The following TACC2 variants were observed in gnomAD, a reference collection of about 807,000 sequenced individuals.
TACC2 encodes transforming acidic coiled-coil-containing protein 2.
TACC2 carries 137 observed loss-of-function variants against 227.3 expected under a neutral mutation model. The ratio of observed to expected loss-of-function variants is 0.60; its 90% CI spans 0.52 to 0.69. The LOEUF (loss-of-function observed/expected upper bound fraction) is 0.69, where lower values mean the gene tolerates loss of function less well. TACC2 is among the 30% of genes least tolerant of loss of function. The pLI is 0.00. For synonymous variants in TACC2, 1,523 were observed against 1,487.5 expected, an observed-to-expected ratio of 1.02 and a Z score of -0.55; for missense variants, 3,470 against 3,694.4, an observed-to-expected ratio of 0.94 and a Z score of 1.57.
chr10:122,127,632 C>T (rs953800278), intron 5 of TACC2, among the ~76,000 whole-genome samples: 5 of 152,074 alleles, frequency 3.3e-5, no homozygotes, highest in Non-Finnish European at 7.4e-5. Context: ...ATTTCAGTCA[C>T]TCTAGTCCCA....
At chr10:122,011,458 T>C (rs1955915780) in intron 1 of TACC2, among the ~76,000 whole-genome samples, 1 of 152,046 alleles carries the variant, frequency 6.6e-6, no homozygotes, top group African/African-American at 2.4e-5. Context: ...GCCTCCCGAG[T>C]AGCTGGGACT....
Position 122,087,851 on chromosome 10 carries a change from C to T in TACC2, c.5351C>T (p.Pro1784Leu). The change falls in exon 4 of 23, where the codon CCC becomes CTC. Residue 1784 changes from proline to leucine, a missense_variant. Pro to Leu is a moderately conservative substitution (Grantham distance 98). Transcript: ENST00000369005. ...QAKEQPGPER[P>L]IPAGDGKVCV... The stretch of plus-strand genomic sequence containing the variant: ...AAGGAGCAGCCAGGGCCTGAGCGCC[C>T]CATTCCAGCTGGGGATGGGAAGGTG... 6.6e-7 allele frequency: 1 copy of T among 1,526,110 alleles called. No individual in the cohort carries two copies. Among genetic ancestry groups the T allele is most frequent in the Non-Finnish European group, 8.8e-7 (1 of 1,137,606 alleles). 94.5% of individuals were successfully genotyped at this position (1,526,110 alleles called of 1,614,324 possible). A position where few individuals can be genotyped will look rare whatever the true frequency, so the allele number is the denominator to read the frequency against.
At chr10:122,053,761 A>G (rs990091585) in intron 3 of TACC2, among the ~76,000 whole-genome samples, 2 of 152,188 alleles carry the variant, frequency 1.3e-5, no homozygotes, top group African/African-American at 2.4e-5. Context: ...CTCCACTCTC[A>G]GGCGCATTGG....
intron 5 of TACC2, chr10:122,127,148 C>A: frequency 6.1e-6 from 1 of 164,182 alleles, no homozygotes; most frequent in Non-Finnish European, 1.3e-5. Context: ...GAACTGTGAG[C>A]AATACATCTC....
At chr10:122,151,006 C>G (rs2091983827) in intron 7 of TACC2, among the ~76,000 whole-genome samples, 2 of 152,122 alleles carry the variant, frequency 1.3e-5, no homozygotes, top group African/African-American at 4.8e-5. Context: ...GTTTACCCAT[C>G]TTTAAGATAG....
At chr10:122,002,853 C>A (rs1954578370) in intron 1 of TACC2, among the ~76,000 whole-genome samples, 1 of 152,082 alleles carries the variant, frequency 6.6e-6, no homozygotes, top group East Asian at 1.9e-4. Flanking sequence ...TGCTTTCTCC[C>A]TTTTTCTTTC....
intron 1 of TACC2, among the ~76,000 whole-genome samples, chr10:122,020,980 C>T (rs1410787509): frequency 6.6e-6 from 1 of 152,006 alleles, no homozygotes; most frequent in African/African-American, 2.4e-5. Context: ...GCCTGTAATC[C>T]CAGCACTTTG....
At chr10:122,115,650 C>T (rs2084560231) in intron 5 of TACC2, among the ~76,000 whole-genome samples, 1 of 152,188 alleles carries the variant, frequency 6.6e-6, no homozygotes, top group African/African-American at 2.4e-5. Context: ...GAAAGGGTCT[C>T]TGGGCTTGCC....
At chr10:122,127,742 C>T (rs1400652720) in intron 5 of TACC2, among the ~76,000 whole-genome samples, 1 of 152,170 alleles carries the variant, frequency 6.6e-6, no homozygotes, top group African/African-American at 2.4e-5. Context: ...CAGAAATTAG[C>T]TCTCTCCCAT....
Position 122,210,504 on chromosome 10 carries a change from G to C in TACC2, c.6079G>C (p.Asp2027His). The change falls in exon 9 of 23, where the codon GAC becomes CAC. Residue 2027 changes from aspartate (D) to histidine (H), a missense_variant. Physicochemically the swap from Asp to His is moderately conservative, Grantham distance 81. Coordinates refer to ENST00000369005, the MANE Select transcript of TACC2 (RefSeq NM_206862.4). This position sits in a 1 kb window ranked among gnomAD's most constrained non-coding sequence, Gnocchi z 4.6. ...SHSFSAVFDEDKPIASSGTYN... is the reference protein window; with the variant it reads ...SHSFSAVFDEHKPIASSGTYN... ...CTCCTTCTCTGCCGTCTTCGATGAA[G>C]ACAAGCCGATAGCCAGCAGTGGGAC... is the stretch of plus-strand genomic sequence containing the variant. 1 of 1,594,102 alleles carries C rather than the reference G, an allele frequency of 6.3e-7. No homozygotes were observed. Among genetic ancestry groups the C allele is most frequent in the Non-Finnish European group, 8.5e-7 (1 of 1,174,306 alleles).
chr10:122,109,298 A>G (rs2083314936), intron 5 of TACC2, among the ~76,000 whole-genome samples: 2 of 152,082 alleles, frequency 1.3e-5, no homozygotes, highest in African/African-American at 4.8e-5. Context: ...ACAAGCATCT[A>G]TTATTTTTTA....
At chr10:122,088,835 G>A (rs1050226010) in intron 5 of TACC2, 1 of 1,300,116 alleles carries the variant, frequency 7.7e-7, no homozygotes, top group African/African-American at 1.5e-5. Context: ...AATTTAAAAA[G>A]TCAGTCTGGG....
At chr10:122,130,089 C>T (rs1345490108) in intron 5 of TACC2, among the ~76,000 whole-genome samples, 2 of 152,180 alleles carry the variant, frequency 1.3e-5, no homozygotes, top group Non-Finnish European at 2.9e-5. Context: ...TCTCTGCCTC[C>T]CAGGTTCAAG....
chr10:122,133,520 C>T (rs899717459), intron 6 of TACC2, among the ~76,000 whole-genome samples: 5 of 152,168 alleles, frequency 3.3e-5, no homozygotes, highest in African/African-American at 1.2e-4. Context: ...TCTATACACA[C>T]ACATGTCTGT....
At chr10:122,136,326 C>T (rs1281736486) in intron 6 of TACC2, among the ~76,000 whole-genome samples, 1 of 152,008 alleles carries the variant, frequency 6.6e-6, no homozygotes, top group Non-Finnish European at 1.5e-5. Flanking sequence ...GCAGCAGTGT[C>T]CCCGCCACCC....
chr10:122,040,009 A>C (rs1371849900), intron 2 of TACC2, among the ~76,000 whole-genome samples: 4 of 152,070 alleles, frequency 2.6e-5, no homozygotes, highest in African/African-American at 7.3e-5. Flanking sequence ...CTTTTGCAGC[A>C]AGCTGAGTCC....
intron 3 of TACC2, among the ~76,000 whole-genome samples, chr10:122,063,380 ATTAT>A (rs761999596): frequency 2.0e-5 from 3 of 152,120 alleles, no homozygotes; most frequent in Non-Finnish European, 2.9e-5. Context: ...CTTCTGACTC[ATTAT>A]TTATCTTTGG....
At chr10:122,201,257 C>T (rs2094831474) in intron 8 of TACC2, among the ~76,000 whole-genome samples, 1 of 118,064 alleles carries the variant, frequency 8.5e-6, no homozygotes. Flanking sequence ...AGAGGACGGC[C>T]ACCTCACCTG....
chr10:122,131,954 GGC>G (rs1307169522), intron 5 of TACC2, among the ~76,000 whole-genome samples: 2 of 151,994 alleles, frequency 1.3e-5, no homozygotes, highest in African/African-American at 4.8e-5. Context: ...CCCGTGAGGC[GGC>G]GGTTGCAATG....
Sources: allele counts gnomAD v4.1 joint callset (sites outside exome capture counted in the v4.1 genomes callset), GRCh38; gene constraint gnomAD v4.1.1; non-coding constraint Gnocchi (gnomAD v3.1); transcripts MANE v1.5; gene names NCBI Gene and HGNC (gene_info 2026-07-23, HGNC 2026-07-21).